The following PCED1B variants were observed in gnomAD, a reference collection of about 807,000 sequenced individuals.
PCED1B encodes the protein PC-esterase domain containing 1B.
For synonymous variants in PCED1B, 251 were observed against 246.1 expected, an observed-to-expected ratio of 1.02 and a Z score of -0.19; for missense variants, 573 against 573.9, an observed-to-expected ratio of 1.00 and a Z score of 0.02.
intron 2 of PCED1B, among the ~76,000 whole-genome samples, chr12:47,157,513 G>A (rs1941233026): frequency 6.6e-6 from 1 of 152,142 alleles, no homozygotes; most frequent in Admixed American, 6.5e-5. Context: ...TCACGTGGCT[G>A]CAGTGAGCCA....
intron 2 of PCED1B, among the ~76,000 whole-genome samples, chr12:47,196,434 T>C (rs1942604053): frequency 6.6e-6 from 1 of 152,280 alleles, no homozygotes; most frequent in Non-Finnish European, 1.5e-5. Context: ...AATCACTATA[T>C]GTTGCCTGAC....
At chr12:47,233,112 C>T (rs897073546) in intron 3 of PCED1B, among the ~76,000 whole-genome samples, 2 of 152,018 alleles carry the variant, frequency 1.3e-5, no homozygotes, top group African/African-American at 4.8e-5. Flanking sequence ...TGCCATGTTG[C>T]CCAGGCTGGT....
intron 2 of PCED1B, among the ~76,000 whole-genome samples, chr12:47,214,309 A>T (rs1023218959): frequency 1.3e-5 from 2 of 152,238 alleles, no homozygotes; most frequent in African/African-American, 4.8e-5. Flanking sequence ...CAATTATGTC[A>T]CATTATAATC....
At chr12:47,109,562 T>G (rs1939102412) in intron 2 of PCED1B, among the ~76,000 whole-genome samples, 1 of 152,220 alleles carries the variant, frequency 6.6e-6, no homozygotes, top group African/African-American at 2.4e-5. Context: ...ATTTTCAAAA[T>G]TCAAAAAATG....
At chr12:47,227,355 G>T (rs1042568025) in intron 3 of PCED1B, among the ~76,000 whole-genome samples, 1 of 151,872 alleles carries the variant, frequency 6.6e-6, no homozygotes, top group African/African-American at 2.4e-5. Flanking sequence ...TAGTCTTGTA[G>T]AGAGGGGGGC....
Position 47,222,663 on chromosome 12 carries a change from G to A in PCED1B, c.-58+5974G>A, listed in dbSNP as rs550301409. Among the ~76,000 whole-genome samples the A allele has an allele frequency of 2.0e-5, 3 of 152,274 alleles. 1 individual carries two copies. Among genetic ancestry groups the A allele is most frequent in the African/African-American group, 7.2e-5 (3 of 41,544 alleles). ...ACATGTGTTCATTTAACCCTCACTT[G>A]TTAGGAAAACTGCAGTAATATTGTT... is the stretch of plus-strand genomic sequence containing the variant. On this transcript the variant is annotated intron_variant, in intron 3 of 3. Coordinates refer to ENST00000546455, the MANE Select transcript of PCED1B (RefSeq NM_138371.3).
At chr12:47,141,914 T>G (rs1185998347) in intron 2 of PCED1B, among the ~76,000 whole-genome samples, 1 of 152,114 alleles carries the variant, frequency 6.6e-6, no homozygotes, top group East Asian at 1.9e-4. Flanking sequence ...AGGAGGCACC[T>G]TCATCCATGA....
intron 2 of PCED1B, among the ~76,000 whole-genome samples, chr12:47,112,058 G>C (rs533658393): frequency 1.3e-5 from 2 of 152,316 alleles, no homozygotes; most frequent in Admixed American, 1.3e-4. Context: ...CAGCCCACGC[G>C]AGCTCTGTGC....
intron 2 of PCED1B, among the ~76,000 whole-genome samples, chr12:47,150,349 G>A (rs1485815533): frequency 1.3e-5 from 2 of 152,036 alleles, no homozygotes; most frequent in Non-Finnish European, 2.9e-5. Flanking sequence ...GTCAAGGCAG[G>A]AGGATCATGA....
intron 2 of PCED1B, chr12:47,138,370 T>C (rs1241035888): frequency 1.3e-5 from 2 of 152,222 alleles, no homozygotes; most frequent in Non-Finnish European, 2.9e-5. Context: ...TTTGTATTGC[T>C]TGGCCTCTTC....
Position 47,114,746 on chromosome 12 carries a change from C to T in PCED1B, c.-526+10551C>T, listed in dbSNP as rs549004438. 7.2e-5 allele frequency among the ~76,000 whole-genome samples: 11 copies of T among 152,310 alleles called. No homozygotes were observed. The East Asian group carries it at 9.6e-4, about 13-fold the overall frequency. ...CCCCAACACCAGAGACTGCCAACAA[C>T]GTACAGGCCTCAGAGTAAGCCTTGA... On this transcript the variant is annotated intron_variant, in intron 2 of 3. Transcript: ENST00000546455.
At chr12:47,194,800 G>A (rs1386179461) in intron 2 of PCED1B, among the ~76,000 whole-genome samples, 5 of 152,228 alleles carry the variant, frequency 3.3e-5, no homozygotes, top group African/African-American at 4.8e-5. Flanking sequence ...TAATGAGGAA[G>A]AGAAAGGTGC....
At chr12:47,088,967 T>A (rs780154982) in intron 1 of PCED1B, among the ~76,000 whole-genome samples, 5 of 152,192 alleles carry the variant, frequency 3.3e-5, no homozygotes, top group Non-Finnish European at 7.4e-5. Flanking sequence ...AGAAACAGAA[T>A]ATGCATTGCC....
intron 2 of PCED1B, among the ~76,000 whole-genome samples, chr12:47,204,628 T>C (rs1175830967): frequency 6.6e-6 from 1 of 152,184 alleles, no homozygotes; most frequent in Non-Finnish European, 1.5e-5. Flanking sequence ...TTGAAGTGTG[T>C]ATTATGCTGT....
At chr12:47,170,697 AAC>A (rs1941701961) in intron 2 of PCED1B, among the ~76,000 whole-genome samples, 1 of 152,214 alleles carries the variant, frequency 6.6e-6, no homozygotes, top group Non-Finnish European at 1.5e-5. Context: ...AAAACCAATA[AAC>A]AGTGTATTGC....
chr12:47,163,952 T>C (rs982521490), intron 2 of PCED1B, among the ~76,000 whole-genome samples: 1 of 152,186 alleles, frequency 6.6e-6, no homozygotes, highest in Non-Finnish European at 1.5e-5. Flanking sequence ...ACATGCTTTC[T>C]GGTAAATAAT....
intron 2 of PCED1B, among the ~76,000 whole-genome samples, chr12:47,187,345 T>C (rs772970899): frequency 1.3e-5 from 2 of 151,866 alleles, no homozygotes; most frequent in Middle Eastern, 3.2e-3. Flanking sequence ...CACCAGGAAA[T>C]TGGAAATCTC....
At chr12:47,176,687 A>C (rs1202600752) in intron 2 of PCED1B, among the ~76,000 whole-genome samples, 2 of 152,186 alleles carry the variant, frequency 1.3e-5, no homozygotes, top group African/African-American at 4.8e-5. Flanking sequence ...GAGTCATAGG[A>C]GCCTCCAATT....
At chr12:47,141,813 T>G (rs1199156908) in intron 2 of PCED1B, among the ~76,000 whole-genome samples, 1 of 152,156 alleles carries the variant, frequency 6.6e-6, no homozygotes, top group Non-Finnish European at 1.5e-5. Context: ...TGGCCTAAGT[T>G]CAGCTGCAGA....
Sources: gnomAD v4.1 joint callset for allele counts (sites outside exome capture counted in the v4.1 genomes callset) on GRCh38, gnomAD v4.1.1 for gene constraint, MANE v1.5 for transcripts, NCBI Gene and HGNC (gene_info 2026-07-23, HGNC 2026-07-21) for gene names.